The following SPATA2 variants were observed in gnomAD, a reference collection of about 807,000 sequenced individuals.
SPATA2 encodes spermatogenesis associated 2.
A neutral mutation model predicts 35.4 loss-of-function variants in SPATA2; 8 were observed. The ratio of observed to expected loss-of-function variants is 0.23; its 90% CI spans 0.13 to 0.41. The LOEUF (loss-of-function observed/expected upper bound fraction) is 0.41. Ranked by LOEUF, SPATA2 falls within the 10% of genes least tolerant of loss-of-function variation. The pLI, the probability that SPATA2 is intolerant of heterozygous loss-of-function variation, is 1.00. For missense variants in SPATA2, 650 were observed against 698.7 expected (o/e 0.93, Z 0.79); for synonymous variants, 293 against 300.9 (o/e 0.97, Z 0.27).
rs1489710840 is a variant in SPATA2, at chr20:49,908,402, GTGGTATCCACTT to G, written c.77_88del (p.Lys26_Thr29del). 1 of 1,614,076 alleles carries G rather than the reference GTGGTATCCACTT, an allele frequency of 6.2e-7. No homozygotes were observed. Among genetic ancestry groups the G allele is most frequent in the East Asian group, 2.2e-5 (1 of 44,894 alleles). On this transcript the variant is annotated inframe_deletion, in exon 2 of 3. Coordinates refer to ENST00000289431, the MANE Select transcript of SPATA2 (RefSeq NM_006038.4). ...GCTGCCAGGCCGCTGCCTGCTGGTG[GTGGTATCCACTT>G]TGCTCTCATGGAACTGCACGTACTT...
rs750634249 is a variant in SPATA2 at position 49,905,334 on chromosome 20, A to G, written c.*285T>C. On this transcript the variant is annotated 3_prime_UTR_variant, in exon 3 of 3. Transcript: ENST00000289431. Reference sequence around the variant, plus strand: ...CAAAACAACAAAACAAAACAAAACAAAACCCCAAAAAAAGAACCAACTGAA... The same window carrying G: ...CAAAACAACAAAACAAAACAAAACAGAACCCCAAAAAAAGAACCAACTGAA... The G allele has an allele frequency of 6.7e-6, 3 of 447,026 alleles. No homozygotes were observed. Among genetic ancestry groups the G allele is most frequent in the Non-Finnish European group, 1.2e-5 (3 of 251,702 alleles). 27.7% of individuals were successfully genotyped at this position (447,026 alleles called of 1,614,324 possible). A position where few individuals can be genotyped will look rare whatever the true frequency, so the allele number is the denominator to read the frequency against.
At chr20:49,914,771 G>C (rs1012179029) in intron 1 of SPATA2, among the ~76,000 whole-genome samples, 1 of 152,192 alleles carries the variant, frequency 6.6e-6, no homozygotes, top group Non-Finnish European at 1.5e-5. Context: ...GTCCCAGCTC[G>C]GTCATTCCTA....
rs916185277 is a variant in SPATA2, at chr20:49,905,213, A to C, written c.*406T>G. 7 of 171,978 alleles carry C rather than the reference A, an allele frequency of 4.1e-5. No individual in the cohort carries two copies. The highest frequency in any genetic ancestry group is 8.8e-5 in the Non-Finnish European group (7 of 79,828). The allele number at this position is 171,978 out of a possible 1,614,324, so 10.7% of individuals were successfully genotyped here. Reference sequence around the variant, plus strand: ...CGCCGCTCCAGGTGGATGTTTGGTGACCTGAAGGGCCCTTCCCAGTCCAAG... The same window carrying C: ...CGCCGCTCCAGGTGGATGTTTGGTGCCCTGAAGGGCCCTTCCCAGTCCAAG... On this transcript the variant is annotated 3_prime_UTR_variant, in exon 3 of 3. Coordinates refer to ENST00000289431, the MANE Select transcript of SPATA2 (RefSeq NM_006038.4).
chr20:49,915,421 G>C lies in SPATA2; in HGVS notation c.-144C>G, dbSNP rs527713411. ...AGGACGGCCCGGCCGAGGGAAGCAA[G>C]CGAGAGGCGCGGCTGCCGCCGGAGC... On this transcript the variant is annotated 5_prime_UTR_variant, in exon 1 of 3. Coordinates refer to ENST00000289431, the MANE Select transcript of SPATA2 (RefSeq NM_006038.4). The C allele has an allele frequency of 6.6e-6, 1 of 152,276 alleles. No individual in the cohort carries two copies. Among genetic ancestry groups the C allele is most frequent in the East Asian group, 1.9e-4 (1 of 5,164 alleles). The allele number at this position is 152,276 out of a possible 1,614,324, so 9.4% of individuals were successfully genotyped here.
intron 1 of SPATA2, among the ~76,000 whole-genome samples, chr20:49,914,117 C>T (rs1371765387): frequency 1.3e-5 from 2 of 151,818 alleles, no homozygotes; most frequent in Non-Finnish European, 2.9e-5. Context: ...CCAGAGTCAA[C>T]GGCTCCAGTC....
At position 49,905,806 on chromosome 20, in the gene SPATA2, C is replaced by A. The variant is rs375665043; in HGVS notation, c.1376G>T (p.Arg459Leu). The change falls in exon 3 of 3, where the codon CGC (arginine) becomes CTC (leucine). Residue 459 changes from arginine (R) to leucine (L), a missense_variant. Transcript: ENST00000289431. ...GCCTGGGCGGTTGCAGAAGCCACAG[C>A]GGGAAGTGGGCGTGGTGGAGGGCTT... ...KSKPSTTPTS[R>L]CGFCNRPGAT... The A allele has an allele frequency of 3.7e-6, 6 of 1,614,156 alleles. No individual in the cohort carries two copies. Among genetic ancestry groups the A allele is most frequent in the Non-Finnish European group, 5.1e-6 (6 of 1,180,012 alleles).
chr20:49,905,586 G>A lies in SPATA2; in HGVS notation c.*33C>T, dbSNP rs372807777. 2.5e-6 allele frequency: 4 copies of A among 1,607,326 alleles called. No homozygotes were observed. Among genetic ancestry groups the A allele is most frequent in the Non-Finnish European group, 3.4e-6 (4 of 1,175,258 alleles). On this transcript the variant is annotated 3_prime_UTR_variant, in exon 3 of 3. Coordinates refer to ENST00000289431, the MANE Select transcript of SPATA2 (RefSeq NM_006038.4). ...CGTGAAACCCGAAAGGTCGGTTGAT[G>A]TAGCCCTTGGAGCTGGAAGGGGCGA...
rs2090123783 is a variant in SPATA2 at position 49,903,927 on chromosome 20, ATATATATATATATATATATATATATT to A, written c.*1666_*1691del. On this transcript the variant is annotated 3_prime_UTR_variant, in exon 3 of 3. Transcript: ENST00000289431. ...GATATATATATATATATATATATATATATATATATATATATATATATATATTAAAAAGAGAGCCATAGAAGATTTGG... is the reference window on the plus strand; with the variant it reads ...GATATATATATATATATATATATATAAAAAAGAGAGCCATAGAAGATTTGG... The A allele has an allele frequency of 7.7e-6, 1 of 129,220 alleles. No homozygotes were observed. Among genetic ancestry groups the A allele is most frequent in the South Asian group, 2.4e-4 (1 of 4,174 alleles). 8.0% of individuals were successfully genotyped at this position (129,220 alleles called of 1,614,324 possible). A position where few individuals can be genotyped will look rare whatever the true frequency, so the allele number is the denominator to read the frequency against.
At chr20:49,909,214 G>A (rs2090168497) in intron 1 of SPATA2, among the ~76,000 whole-genome samples, 1 of 152,004 alleles carries the variant, frequency 6.6e-6, no homozygotes, top group African/African-American at 2.4e-5. Context: ...GTCAAGATGG[G>A]GTTTCACCAT....
Position 49,908,427 on chromosome 20 carries a change from A to G in SPATA2, c.64T>C (p.Phe22Leu). The G allele has an allele frequency of 6.2e-7, 1 of 1,608,852 alleles. No individual in the cohort carries two copies. Among genetic ancestry groups the G allele is most frequent in the African/African-American group, 1.3e-5 (1 of 74,990 alleles). ...GTGGTATCCACTTTGCTCTCATGGA[A>G]CTGCACGTACTTCCGAAATAAGTCA... ...KDDLFRKYVQ[F>L]HESKVDTTTS... Residue 22 changes from phenylalanine to leucine, a missense_variant, in exon 2 of 3, where the codon TTC (phenylalanine) becomes CTC (leucine). By Grantham distance (22) the Phe-to-Leu change is conservative (BLOSUM62 0). Coordinates refer to ENST00000289431, the MANE Select transcript of SPATA2 (RefSeq NM_006038.4).
chr20:49,911,493 G>A (rs749616765), intron 1 of SPATA2, among the ~76,000 whole-genome samples: 6 of 151,824 alleles, frequency 4.0e-5, no homozygotes, highest in Admixed American at 1.3e-4. Flanking sequence ...GTGAAACCCC[G>A]TCTCTACCAA....
intron 1 of SPATA2, among the ~76,000 whole-genome samples, chr20:49,911,811 C>T (rs150763983): frequency 2.4e-4 from 36 of 152,246 alleles, no homozygotes; most frequent in East Asian, 1.5e-3. Context: ...AGCAAAGAAA[C>T]GGGCTCAGAA....
chr20:49,905,551 ACTT>A lies in SPATA2; in HGVS notation c.*65_*67del, dbSNP rs2146826897. The A allele has an allele frequency of 6.5e-6, 10 of 1,549,402 alleles. No individual in the cohort carries two copies. The highest frequency in any genetic ancestry group is 8.8e-6 in the Non-Finnish European group (10 of 1,135,140). ...CCGCCTCTGAGATCAATGCGTTAGT[ACTT>A]CTTCACCGTGAAACCCGAAAGGTCG... On this transcript the variant is annotated 3_prime_UTR_variant, in exon 3 of 3. Transcript: ENST00000289431.
At chr20:49,910,423 G>C (rs908689263) in intron 1 of SPATA2, among the ~76,000 whole-genome samples, 1 of 152,206 alleles carries the variant, frequency 6.6e-6, no homozygotes, top group Non-Finnish European at 1.5e-5. Context: ...CCCCTAAGTG[G>C]ACAGGCCTTC....
chr20:49,908,499 G>T lies in SPATA2; in HGVS notation c.-9C>A, dbSNP rs1430019407. 11 of 1,575,472 alleles carry T rather than the reference G, an allele frequency of 7.0e-6. No homozygotes were observed. Among genetic ancestry groups the T allele is most frequent in the African/African-American group, 1.3e-5 (1 of 74,368 alleles). On this transcript the variant is annotated 5_prime_UTR_variant, in exon 2 of 3. Transcript: ENST00000289431. ...GAACTGGGCTTCCCCATCCGATCGAGGGGGGCTACCTTATCTCCTCCATGG... is the reference window on the plus strand; with the variant it reads ...GAACTGGGCTTCCCCATCCGATCGATGGGGGCTACCTTATCTCCTCCATGG...
At chr20:49,909,177 C>T (rs2090168141) in intron 1 of SPATA2, among the ~76,000 whole-genome samples, 1 of 152,110 alleles carries the variant, frequency 6.6e-6, no homozygotes, top group African/African-American at 2.4e-5. Context: ...CACCTGCCAC[C>T]ACGCCTGGTT....
intron 1 of SPATA2, among the ~76,000 whole-genome samples, chr20:49,911,558 T>C (rs1044587581): frequency 1.3e-5 from 2 of 151,160 alleles, no homozygotes; most frequent in Non-Finnish European, 2.9e-5. Flanking sequence ...TCACAGCTAC[T>C]CGGGAGGCTG....
At position 49,908,449 on chromosome 20, in the gene SPATA2, G is replaced by A. The variant is rs768722077; in HGVS notation, c.42C>T (p.Asp14=). The A allele has an allele frequency of 1.2e-6, 2 of 1,605,700 alleles. No individual in the cohort carries two copies. Among genetic ancestry groups the A allele is most frequent in the Non-Finnish European group, 1.7e-6 (2 of 1,173,032 alleles). Residue 14 remains aspartate (D), a synonymous_variant, in exon 2 of 3, where the codon GAC becomes GAT. Transcript: ENST00000289431. ...GGAACTGCACGTACTTCCGAAATAA[G>A]TCATCCTTGAATTTAGTATCCATTG... ...PSSMDTKFKD[D]LFRKYVQFHE...
chr20:49,914,789 G>C (rs971188518), intron 1 of SPATA2, among the ~76,000 whole-genome samples: 7 of 152,110 alleles, frequency 4.6e-5, no homozygotes, highest in African/African-American at 1.7e-4. Flanking sequence ...CTACAGCCTC[G>C]GGGGGCCACG....
Sources: allele counts gnomAD v4.1 joint callset (sites outside exome capture counted in the v4.1 genomes callset), GRCh38; gene constraint gnomAD v4.1.1; transcripts MANE v1.5; gene names NCBI Gene and HGNC (gene_info 2026-07-23, HGNC 2026-07-21).